NBAS: variants seen among roughly 807,000 people sequenced by gnomAD.
The protein encoded by NBAS is NAG/BC035112 fusion.
A neutral mutation model predicts 302.5 loss-of-function variants in NBAS; 219 were observed. That is an observed-to-expected ratio of 0.72 (90% CI 0.65 to 0.81). The LOEUF is 0.81. Among genes scored for constraint, NBAS ranks in the 30% least tolerant of loss-of-function variants. NBAS has a pLI of 0.00. For missense variants in NBAS, 2,932 were observed against 2,841.6 expected (o/e 1.03, Z -0.72); for synonymous variants, 1,118 against 1,021.6 (o/e 1.09, Z -1.80).
At chr2:14,964,296 G>A in the NBAS span, among the ~76,000 whole-genome samples, 3 of 152,066 alleles carry the variant, frequency 2.0e-5, no homozygotes, top group Admixed American at 6.6e-5. Context: ...TATCTAAAAA[G>A]TTAGAGACAT....
intron 35 of NBAS, among the ~76,000 whole-genome samples, chr2:15,347,945 A>G (rs1306957523): frequency 1.3e-5 from 2 of 152,216 alleles, no homozygotes; most frequent in African/African-American, 4.8e-5. Flanking sequence ...TAACAATTAC[A>G]TCTTTATTTT....
At position 15,275,937 on chromosome 2, in the gene NBAS, T is replaced by G. The variant is rs143954885; in HGVS notation, c.5390-119A>C. On this transcript the variant is annotated intron_variant, in intron 43 of 51. Coordinates refer to ENST00000281513, the MANE Select transcript of NBAS (RefSeq NM_015909.4). ...GAACGCAAAGATCTATCAACTTAGC[T>G]CTAAGTAGCTAGTTTATATTTTCTA... 4,234 of 828,568 alleles carry G rather than the reference T, an allele frequency of 5.1e-3. 16 individuals are homozygous for G. The highest frequency in any genetic ancestry group is 6.8e-3 in the Non-Finnish European group (3,543 of 518,048). The allele number at this position is 828,568 out of a possible 1,614,324, so 51.3% of individuals were successfully genotyped here.
downstream of NBAS, among the ~76,000 whole-genome samples, chr2:15,166,213 A>G (rs1664016554): frequency 1.3e-5 from 2 of 152,300 alleles, no homozygotes; most frequent in South Asian, 4.1e-4. Flanking sequence ...CGCCCTTGCT[A>G]TGATTGGCTG....
At chr2:14,990,905 A>G in the NBAS span, among the ~76,000 whole-genome samples, 1 of 152,216 alleles carries the variant, frequency 6.6e-6, no homozygotes, top group Non-Finnish European at 1.5e-5. Flanking sequence ...AAATGAAGAA[A>G]TAGACAATGG....
chr2:14,995,297 G>A, the NBAS span, among the ~76,000 whole-genome samples: 1 of 151,926 alleles, frequency 6.6e-6, no homozygotes, highest in South Asian at 2.1e-4. Flanking sequence ...ACCTATTAGT[G>A]AGAACATGTG....
At chr2:15,559,083 A>AAAAAAAAAAAAAAAAAAAC (rs1664788596) in intron 1 of NBAS, among the ~76,000 whole-genome samples, 1 of 150,468 alleles carries the variant, frequency 6.6e-6, no homozygotes, top group Non-Finnish European at 1.5e-5. Flanking sequence ...AAAAAAAAAA[A>AAAAAAAAAAAAAAAAAAAC]AAAAGTAGAC....
At chr2:15,326,982 T>A (rs1238702322) in intron 38 of NBAS, among the ~76,000 whole-genome samples, 1 of 152,104 alleles carries the variant, frequency 6.6e-6, no homozygotes, top group East Asian at 1.9e-4. Context: ...TTACTTTACA[T>A]AGGAACGTGC....
the NBAS span, among the ~76,000 whole-genome samples, chr2:14,995,113 G>A: frequency 4.2e-4 from 64 of 152,106 alleles, no homozygotes; most frequent in African/African-American, 1.4e-3. Flanking sequence ...ACAACGTGCC[G>A]GTTTGTTACA....
chr2:15,264,625 A>G (rs1668991625), intron 44 of NBAS, among the ~76,000 whole-genome samples: 1 of 152,190 alleles, frequency 6.6e-6, no homozygotes, highest in African/African-American at 2.4e-5. Flanking sequence ...GTGGAAAGCA[A>G]GAGTTTAGGA....
intron 27 of NBAS, among the ~76,000 whole-genome samples, 167 bp from the exon 28 acceptor site, chr2:15,394,516 T>A (rs975903208): frequency 7.2e-5 from 11 of 151,842 alleles, no homozygotes; most frequent in South Asian, 2.1e-4. Flanking sequence ...AGAAAAAAAA[T>A]CGAATAATTA....
chr2:15,226,609 T>C (rs1667161628), intron 47 of NBAS, among the ~76,000 whole-genome samples: 1 of 152,212 alleles, frequency 6.6e-6, no homozygotes, highest in South Asian at 2.1e-4. Context: ...TGGCATGATT[T>C]AAAATCCTTA....
the NBAS span, among the ~76,000 whole-genome samples, chr2:14,919,176 C>T: frequency 6.6e-6 from 1 of 152,062 alleles, no homozygotes; most frequent in African/African-American, 2.4e-5. Flanking sequence ...ATTCAGGGCT[C>T]AGTTCCAGAC....
chr2:14,947,862 G>T, the NBAS span, among the ~76,000 whole-genome samples: 4 of 151,488 alleles, frequency 2.6e-5, no homozygotes, highest in Non-Finnish European at 5.9e-5. Context: ...CTTTTTTCAT[G>T]TCTATTGAGA....
At chr2:15,212,791 A>G (rs1418985302) in intron 48 of NBAS, among the ~76,000 whole-genome samples, 2 of 152,172 alleles carry the variant, frequency 1.3e-5, no homozygotes, top group Non-Finnish European at 1.5e-5. Flanking sequence ...TGCCATGTGA[A>G]GAAGGACCTG....
At position 15,232,445 on chromosome 2, in the gene NBAS, T is replaced by C. The variant is rs201498836; in HGVS notation, c.6213A>G (p.Ala2071=). The C allele has an allele frequency of 2.8e-5, 46 of 1,614,170 alleles. No homozygotes were observed. In the East Asian group the frequency reaches 8.0e-4, roughly 28 times the overall value. Residue 2071 remains alanine (A), a synonymous_variant, in exon 47 of 52, where the codon GCA becomes GCG. Coordinates refer to ENST00000281513, the MANE Select transcript of NBAS (RefSeq NM_015909.4). The part of the protein sequence containing the change: ...PLKVLEGVVA[A]VHASVDKGEE... ...ACCCCTTGTCCACACTGGCGTGGACTGCTGCAACAACACCTTCCAGGACCT... is the reference window on the plus strand; with the variant it reads ...ACCCCTTGTCCACACTGGCGTGGACCGCTGCAACAACACCTTCCAGGACCT...
intron 6 of NBAS, among the ~76,000 whole-genome samples, chr2:15,546,898 C>G (rs1664144126): frequency 6.6e-6 from 1 of 152,198 alleles, no homozygotes; most frequent in Non-Finnish European, 1.5e-5. Context: ...AGAGTGCCCA[C>G]CCAGCCACTG....
the NBAS span, among the ~76,000 whole-genome samples, chr2:15,130,380 A>G: frequency 6.6e-6 from 1 of 152,356 alleles, no homozygotes; most frequent in East Asian, 1.9e-4. Context: ...TTGTCAATGA[A>G]CATTTACCCT....
At chr2:15,443,058 G>T (rs576975308) in intron 21 of NBAS, among the ~76,000 whole-genome samples, 1 of 151,516 alleles carries the variant, frequency 6.6e-6, no homozygotes, top group Non-Finnish European at 1.5e-5. Flanking sequence ...ATTCACAGCC[G>T]AATTCTACCA....
chr2:15,553,280 A>T, intron 5 of NBAS, 146 bp downstream of exon 5: 1 of 724,498 alleles, frequency 1.4e-6, no homozygotes, highest in Non-Finnish European at 2.4e-6. Context: ...TAACTGGCGT[A>T]AGTTGGTGTT....
Sources: gnomAD v4.1 joint callset for allele counts (sites outside exome capture counted in the v4.1 genomes callset) on GRCh38, gnomAD v4.1.1 for gene constraint, MANE v1.5 for transcripts, NCBI Gene and HGNC (gene_info 2026-07-23, HGNC 2026-07-21) for gene names.